Variants in PCDHGB5 observed in about 807,000 individuals in gnomAD.
The protein encoded by PCDHGB5 is protocadherin gamma subfamily B, 5.
Under a neutral mutation model 62.9 loss-of-function variants are expected in PCDHGB5, and 48 were observed. The ratio of observed to expected loss-of-function variants is 0.76; its 90% CI spans 0.61 to 0.97. The LOEUF is 0.97. Among genes scored for constraint, PCDHGB5 ranks in the 50% least tolerant of loss-of-function variants. PCDHGB5 has a pLI of 0.00. For synonymous variants in PCDHGB5, 474 were observed against 511.2 expected, an observed-to-expected ratio of 0.93 and a Z score of 0.98; for missense variants, 1,118 against 1,198.6, an observed-to-expected ratio of 0.93 and a Z score of 0.99.
At chr5:141,478,452 C>T (rs763187393) in intron 1 of PCDHGB5, 1 of 1,613,598 alleles carries the variant, frequency 6.2e-7, no homozygotes, top group Admixed American at 1.7e-5. Context: ...CCTGGTGCAG[C>T]CAGTCCACTG....
rs57426385 is a variant in PCDHGB5 at position 141,415,740 on chromosome 5, G to GTTTTTTTTTTTTTT, written c.2397+15235_2397+15248dup. 1.9e-4 allele frequency: 117 copies of GTTTTTTTTTTTTTT among 625,018 alleles called. 7 individuals are homozygous for GTTTTTTTTTTTTTT. Among genetic ancestry groups the GTTTTTTTTTTTTTT allele is most frequent in the African/African-American group, 5.0e-4 (20 of 39,930 alleles). 38.7% of individuals were successfully genotyped at this position (625,018 alleles called of 1,614,324 possible). A position where few individuals can be genotyped will look rare whatever the true frequency, so the allele number is the denominator to read the frequency against. On this transcript the variant is annotated intron_variant, in intron 1 of 3. Coordinates refer to ENST00000617380, the MANE Select transcript of PCDHGB5 (RefSeq NM_018925.3). ...TGAGTAGAATTTGATGTTTATTAAGGTTTTTTTTTTTTTTTTTTTTTTTTT... is the reference window on the plus strand; with the variant it reads ...TGAGTAGAATTTGATGTTTATTAAGGTTTTTTTTTTTTTTTTTTTTTTTTTTTTTTTTTTTTTTT...
At chr5:141,467,055 C>CTTTTTTTTTTTT (rs1193465269) in intron 1 of PCDHGB5, among the ~76,000 whole-genome samples, 1 of 134,498 alleles carries the variant, frequency 7.4e-6, no homozygotes. Context: ...TCAATGTTTT[C>CTTTTTTTTTTTT]TTTTTTTTTT....
intron 1 of PCDHGB5, chr5:141,414,478 C>T (rs977591382): frequency 5.6e-6 from 9 of 1,613,884 alleles, no homozygotes; most frequent in Non-Finnish European, 3.4e-6. Flanking sequence ...GGGAAGTCCT[C>T]CTCTATCAAC....
chr5:141,427,370 G>A (rs915167509), intron 1 of PCDHGB5: 17 of 457,836 alleles, frequency 3.7e-5, no homozygotes, highest in African/African-American at 2.4e-4. Flanking sequence ...AACCCTGGAC[G>A]GTGATCACTC....
intron 1 of PCDHGB5, among the ~76,000 whole-genome samples, chr5:141,424,923 T>C (rs1428936860): frequency 6.6e-6 from 1 of 152,186 alleles, no homozygotes; most frequent in African/African-American, 2.4e-5. Flanking sequence ...CCATAATCAA[T>C]TCAGTCAACA....
At position 141,400,246 on chromosome 5, in the gene PCDHGB5, G is replaced by T. The variant is rs373890751; in HGVS notation, c.2119G>T (p.Val707Phe). 4 of 1,613,986 alleles carry T rather than the reference G, an allele frequency of 2.5e-6. No individual in the cohort carries two copies. In the East Asian group the frequency reaches 6.7e-5, roughly 27 times the overall value. Reference sequence around the variant, plus strand: ...CTTCCTCCTGGCCGTGATTCTGGCCGTTGCCTTGCGCCTGCGACGCTCCTC... The same window carrying T: ...CTTCCTCCTGGCCGTGATTCTGGCCTTTGCCTTGCGCCTGCGACGCTCCTC... ...VLFLLAVILA[V>F]ALRLRRSSSP... Residue 707 changes from valine (V) to phenylalanine (F), a missense_variant, in exon 1 of 4, where the codon GTT (valine) becomes TTT (phenylalanine). This residue lies in a region of PCDHGB5 where 1,034 missense variants were observed against 1,029.1 expected (regional missense o/e 1.00). Transcript: ENST00000617380.
chr5:141,481,913 CAA>C (rs34114744), intron 1 of PCDHGB5, among the ~76,000 whole-genome samples: 12,059 of 90,730 alleles, frequency 0.13, 576 homozygotes, highest in African/African-American at 0.21. Flanking sequence ...AACTCCATCT[CAA>C]AAAAAAAAAA....
At chr5:141,463,844 G>T (rs545618795) in intron 1 of PCDHGB5, among the ~76,000 whole-genome samples, 1 of 152,140 alleles carries the variant, frequency 6.6e-6, no homozygotes, top group African/African-American at 2.4e-5. Context: ...AGTTGTTATA[G>T]TGGTATATCT....
At position 141,486,720 on chromosome 5, in the gene PCDHGB5, C is replaced by G; in HGVS notation, c.2398-8087C>G. ...ATCTCTCTGAACCCCCAGACAGGAG[C>G]TGTTCATGCTACTCGATCCTTTGAC... On this transcript the variant is annotated intron_variant, in intron 1 of 3. Coordinates refer to ENST00000617380, the MANE Select transcript of PCDHGB5 (RefSeq NM_018925.3). This position sits in a 1 kb window ranked among gnomAD's most constrained non-coding sequence, Gnocchi z 5.0. The G allele has an allele frequency of 6.2e-7, 1 of 1,614,216 alleles. No homozygotes were observed. Among genetic ancestry groups the G allele is most frequent in the Non-Finnish European group, 8.5e-7 (1 of 1,180,038 alleles).
At chr5:141,498,264 C>A (rs1272117057) in intron 2 of PCDHGB5, among the ~76,000 whole-genome samples, 2 of 152,016 alleles carry the variant, frequency 1.3e-5, no homozygotes, top group Admixed American at 1.3e-4. Context: ...GTGTTGAGTT[C>A]TTCAGTAAAC....
intron 1 of PCDHGB5, among the ~76,000 whole-genome samples, chr5:141,435,590 A>G (rs1005651004): frequency 3.3e-5 from 5 of 152,210 alleles, no homozygotes; most frequent in African/African-American, 7.2e-5. Context: ...TTGCAGTAAT[A>G]TCGCCTGCTT....
chr5:141,469,005 G>A (rs1011079995), intron 1 of PCDHGB5, among the ~76,000 whole-genome samples: 7 of 151,814 alleles, frequency 4.6e-5, no homozygotes, highest in South Asian at 2.1e-4. Context: ...TGCTGGGTGC[G>A]GTGGGTCACT....
chr5:141,472,980 C>CAAAAAAAAA (rs60579131), intron 1 of PCDHGB5, among the ~76,000 whole-genome samples: 30 of 86,054 alleles, frequency 3.5e-4, no homozygotes, highest in African/African-American at 5.0e-4. Context: ...GAGTGAAACT[C>CAAAAAAAAA]AAAAAAAAAA....
At position 141,431,848 on chromosome 5, in the gene PCDHGB5, G is replaced by A. The variant is rs747401379; in HGVS notation, c.2397+31324G>A. 11 of 1,614,142 alleles carry A rather than the reference G, an allele frequency of 6.8e-6. No homozygotes were observed. The highest frequency in any genetic ancestry group is 2.2e-5 in the East Asian group (1 of 44,906). On this transcript the variant is annotated intron_variant, in intron 1 of 3. Coordinates refer to ENST00000617380, the MANE Select transcript of PCDHGB5 (RefSeq NM_018925.3). The surrounding 1 kb of genome is among the most constrained non-coding windows in gnomAD (Gnocchi z 4.8). ...CGGTTCCCGAAAACTCTCCCAGAGGGACATTAATTGCCCTTTTAAATGTAA... is the reference window on the plus strand; with the variant it reads ...CGGTTCCCGAAAACTCTCCCAGAGGAACATTAATTGCCCTTTTAAATGTAA...
At chr5:141,427,192 A>T (rs1191677237) in intron 1 of PCDHGB5, 1 of 456,566 alleles carries the variant, frequency 2.2e-6, no homozygotes. Context: ...AAATCCAAAG[A>T]CTTAATAGAC....
At chr5:141,473,501 G>A (rs1053399138) in intron 1 of PCDHGB5, among the ~76,000 whole-genome samples, 2 of 152,188 alleles carry the variant, frequency 1.3e-5, no homozygotes, top group South Asian at 4.1e-4. Context: ...GGTGTTCTGA[G>A]AGAGCATAAC....
chr5:141,506,935 G>A (rs1375246477), intron 3 of PCDHGB5, among the ~76,000 whole-genome samples: 3 of 152,116 alleles, frequency 2.0e-5, no homozygotes, highest in African/African-American at 7.2e-5. Context: ...AACTTTAGGG[G>A]CCTCCTGTCA....
At chr5:141,415,055 C>G in intron 1 of PCDHGB5, 2 of 1,613,402 alleles carry the variant, frequency 1.2e-6, no homozygotes, top group East Asian at 2.2e-5. Flanking sequence ...GGGGAGCACA[C>G]GGGCGAGGTG....
Position 141,400,006 on chromosome 5 carries a change from G to T in PCDHGB5, c.1879G>T (p.Ala627Ser), listed in dbSNP as rs758879836. The T allele has an allele frequency of 1.9e-5, 30 of 1,612,536 alleles. No homozygotes were observed. The highest frequency in any genetic ancestry group is 2.5e-5 in the Non-Finnish European group (29 of 1,179,648). The change falls in exon 1 of 4, where the codon GCC (alanine) becomes TCC (serine). Residue 627 changes from alanine to serine, a missense_variant. Transcript: ENST00000617380. ...LRTGEVRTARALGDRDAARQR... is the reference protein window; with the variant it reads ...LRTGEVRTARSLGDRDAARQR... ...CACAGGAGAGGTGCGCACAGCGCGT[G>T]CCTTGGGCGACAGGGACGCGGCCCG...
Sources: allele counts gnomAD v4.1 joint callset (sites outside exome capture counted in the v4.1 genomes callset), GRCh38; gene constraint gnomAD v4.1.1; regional missense constraint gnomAD v4.1.1; non-coding constraint Gnocchi (gnomAD v3.1); transcripts MANE v1.5; gene names NCBI Gene and HGNC (gene_info 2026-07-23, HGNC 2026-07-21).